The following CES5A variants were observed in gnomAD, a reference collection of about 807,000 sequenced individuals.
CES5A encodes the protein carboxylesterase 5A.
Under a neutral mutation model 62.9 loss-of-function variants are expected in CES5A, and 67 were observed. The observed-to-expected ratio is 1.07, with a 90% CI of 0.88 to 1.31. CES5A has a LOEUF of 1.31. Ranked by LOEUF, CES5A falls within the 50% of genes most tolerant of loss-of-function variation. The pLI, the probability that CES5A is intolerant of heterozygous loss-of-function variation, is 0.00. For synonymous variants in CES5A, 296 were observed against 280.8 expected, an observed-to-expected ratio of 1.05 and a Z score of -0.54; for missense variants, 748 against 708.5, an observed-to-expected ratio of 1.06 and a Z score of -0.63.
At chr16:55,895,741 G>A (rs774801420) in intron 1 of CES5A, among the ~76,000 whole-genome samples, 1 of 152,208 alleles carries the variant, frequency 6.6e-6, no homozygotes, top group Non-Finnish European at 1.5e-5. Context: ...CACGTGAGAA[G>A]AACATGAGTT....
chr16:55,897,244 T>C (rs769021519), intron 1 of CES5A, among the ~76,000 whole-genome samples: 2 of 152,180 alleles, frequency 1.3e-5, no homozygotes, highest in African/African-American at 2.4e-5. Context: ...TGCTGTCCTA[T>C]GTAGGAAACA....
At chr16:55,939,025 A>C (rs926070727) in intron 2 of CES5A, among the ~76,000 whole-genome samples, 1 of 151,650 alleles carries the variant, frequency 6.6e-6, no homozygotes, top group Non-Finnish European at 1.5e-5. Flanking sequence ...GGCTGGATCT[A>C]TGTGCTTTGG....
chr16:55,896,476 A>G (rs965915559), intron 1 of CES5A, among the ~76,000 whole-genome samples: 1 of 152,232 alleles, frequency 6.6e-6, no homozygotes, highest in Middle Eastern at 3.2e-3. Flanking sequence ...CAGCTGCTCA[A>G]TCTTGAACCT....
chr16:55,938,240 G>T (rs1008580070), intron 2 of CES5A, among the ~76,000 whole-genome samples: 9 of 152,092 alleles, frequency 5.9e-5, no homozygotes, highest in Admixed American at 1.3e-4. Context: ...AGCCTGATTT[G>T]CACATTAATG....
intron 6 of CES5A, 128 bp from the exon 7 acceptor site, chr16:55,861,644 C>T: frequency 2.9e-6 from 2 of 698,120 alleles, no homozygotes; most frequent in Non-Finnish European, 5.1e-6. Flanking sequence ...GCTAACACTG[C>T]CTAGACCCAC....
At chr16:55,868,033 T>C (rs1317804805) in intron 4 of CES5A, among the ~76,000 whole-genome samples, 1 of 152,150 alleles carries the variant, frequency 6.6e-6, no homozygotes, top group East Asian at 1.9e-4. Context: ...TGAAAGGTAC[T>C]CCTGGTCCTC....
At chr16:55,847,107 C>A (rs1009771565) in intron 11 of CES5A, among the ~76,000 whole-genome samples, 3 of 152,168 alleles carry the variant, frequency 2.0e-5, no homozygotes, top group African/African-American at 7.2e-5. Context: ...CATGAGGCTG[C>A]AGGTTCCCTG....
chr16:55,863,562 C>G (rs2033397546), intron 5 of CES5A, 110 bp from the exon 6 acceptor site: 1 of 678,260 alleles, frequency 1.5e-6, no homozygotes, highest in Non-Finnish European at 2.7e-6. Flanking sequence ...AAGCTCTAAG[C>G]TTAGAGGGGA....
chr16:55,874,625 T>C (rs1228257167), intron 1 of CES5A, among the ~76,000 whole-genome samples: 1 of 152,090 alleles, frequency 6.6e-6, no homozygotes, highest in African/African-American at 2.4e-5. Flanking sequence ...TGGGTGAAAA[T>C]TTAAAATTCT....
At chr16:55,862,012 C>T (rs1483159500) in intron 6 of CES5A, among the ~76,000 whole-genome samples, 2 of 152,168 alleles carry the variant, frequency 1.3e-5, no homozygotes, top group East Asian at 3.9e-4. Flanking sequence ...CACTCACAGC[C>T]TGGAATGTCC....
In CES5A at chr16:55,871,645, C is replaced by T. The variant is rs755880941; in HGVS notation, c.397G>A (p.Asp133Asn). The change falls in exon 3 of 13, where the codon GAT (aspartate) becomes AAT (asparagine). Residue 133 changes from aspartate (D) to asparagine (N), a missense_variant. By Grantham distance (23) the Asp-to-Asn change is conservative (BLOSUM62 1). Transcript: ENST00000290567. ...CTTACGGGGAGCTTGGAGCCTGTAT[C>T]GGCGTGGGCAGGCGCATAGATGTTC... ...YLNIYAPAHADTGSKLPVLVW... is the reference protein window; with the variant it reads ...YLNIYAPAHANTGSKLPVLVW... 2.4e-5 allele frequency: 39 copies of T among 1,613,948 alleles called. No homozygotes were observed. The highest frequency in any genetic ancestry group is 2.9e-5 in the Non-Finnish European group (34 of 1,180,010).
intron 1 of CES5A, among the ~76,000 whole-genome samples, chr16:55,904,919 T>C (rs377703791): frequency 3.1e-4 from 47 of 152,264 alleles, no homozygotes; most frequent in African/African-American, 9.4e-4. Flanking sequence ...CAACTTCTCT[T>C]GTTCTGTCCT....
intron 2 of CES5A, among the ~76,000 whole-genome samples, chr16:55,873,371 T>C (rs2033631869): frequency 6.6e-6 from 1 of 152,150 alleles, no homozygotes; most frequent in African/African-American, 2.4e-5. Context: ...CAGCTGGAGC[T>C]AACACCCTTC....
intron 1 of CES5A, among the ~76,000 whole-genome samples, chr16:55,951,489 G>A (rs1347859869): frequency 2.0e-5 from 3 of 152,088 alleles, no homozygotes; most frequent in Non-Finnish European, 4.4e-5. Flanking sequence ...AATGAAATGA[G>A]AAGTCATTTA....
chr16:55,921,260 A>G (rs1582312), intron 1 of CES5A, among the ~76,000 whole-genome samples: 151,612 of 152,204 alleles, frequency 1, 75,516 homozygotes, highest in Middle Eastern at 1. Flanking sequence ...GTATAGGAAG[A>G]TCAGAGAATT....
chr16:55,953,572 C>A (rs117871251), intron 1 of CES5A, among the ~76,000 whole-genome samples: 1,697 of 152,006 alleles, frequency 0.011, 49 homozygotes, highest in East Asian at 0.094. Context: ...CTGAAAAATA[C>A]CTCAGGCAAA....
intron 1 of CES5A, among the ~76,000 whole-genome samples, chr16:55,907,079 T>G (rs2034046542): frequency 6.6e-6 from 1 of 152,226 alleles, no homozygotes; most frequent in Non-Finnish European, 1.5e-5. Context: ...GTTAATTTTA[T>G]TTGGTGATGA....
At chr16:55,874,881 C>T (rs984832741) in intron 1 of CES5A, among the ~76,000 whole-genome samples, 2 of 152,210 alleles carry the variant, frequency 1.3e-5, no homozygotes, top group Non-Finnish European at 2.9e-5. Flanking sequence ...TCACGCTTCT[C>T]CAGTGCTCAG....
At chr16:55,872,731 T>G (rs1213842950) in intron 2 of CES5A, among the ~76,000 whole-genome samples, 1 of 152,200 alleles carries the variant, frequency 6.6e-6, no homozygotes, top group Non-Finnish European at 1.5e-5. Flanking sequence ...CAAAGCCGTC[T>G]CTGACCTCCC....
Sources: gnomAD v4.1 joint callset for allele counts (sites outside exome capture counted in the v4.1 genomes callset) on GRCh38, gnomAD v4.1.1 for gene constraint, MANE v1.5 for transcripts, NCBI Gene and HGNC (gene_info 2026-07-23, HGNC 2026-07-21) for gene names.